PLXNC1: variants seen among roughly 807,000 people sequenced by gnomAD.
The protein encoded by PLXNC1 is plexin C1.
PLXNC1 carries 75 observed loss-of-function variants against 178.2 expected under a neutral mutation model. The observed-to-expected ratio is 0.42, with a 90% CI of 0.35 to 0.51. The LOEUF is 0.51. Among genes scored for constraint, PLXNC1 ranks in the 20% least tolerant of loss-of-function variants. The pLI, the probability that PLXNC1 is intolerant of heterozygous loss-of-function variation, is 0.02. For missense variants in PLXNC1, 1,503 were observed against 1,984.4 expected (o/e 0.76, Z 4.61); for synonymous variants, 790 against 779.9 (o/e 1.01, Z -0.22).
intron 10 of PLXNC1, among the ~76,000 whole-genome samples, chr12:94,239,386 A>T (rs942764934): frequency 6.6e-6 from 1 of 152,248 alleles, no homozygotes; most frequent in African/African-American, 2.4e-5. Context: ...ATGTTCAACC[A>T]CTTTATGATA....
At chr12:94,278,356 G>A (rs1338382625) in intron 21 of PLXNC1, among the ~76,000 whole-genome samples, 9 of 152,322 alleles carry the variant, frequency 5.9e-5, no homozygotes, top group East Asian at 3.9e-4. Context: ...GTGAGGGTAC[G>A]TATCAGGTAA....
chr12:94,258,081 C>T (rs1287715072), intron 17 of PLXNC1, among the ~76,000 whole-genome samples: 2 of 151,416 alleles, frequency 1.3e-5, no homozygotes, highest in African/African-American at 4.9e-5. Flanking sequence ...GAGCCGAGAT[C>T]GCGCCACTGC....
At chr12:94,157,409 G>A (rs997819244) in intron 1 of PLXNC1, among the ~76,000 whole-genome samples, 1 of 152,202 alleles carries the variant, frequency 6.6e-6, no homozygotes, top group Non-Finnish European at 1.5e-5. Flanking sequence ...CCCCAAAGTC[G>A]ACTTGGGAAC....
intron 1 of PLXNC1, 144 bp downstream of exon 1, chr12:94,150,177 C>A: frequency 2.9e-6 from 2 of 690,714 alleles, no homozygotes; most frequent in South Asian, 2.0e-5. Context: ...ACACCGCGGG[C>A]GGCCGTCCGA....
At position 94,149,595 on chromosome 12, in the gene PLXNC1, G is replaced by A; in HGVS notation, c.624G>A (p.Lys208=). The change falls in exon 1 of 31, where the codon AAG becomes AAA. Residue 208 remains lysine, a synonymous_variant. Transcript: ENST00000258526. ...ASDHDTAIAL[K]DTEGRSLATQ... is the part of the protein sequence containing the mutation. ...ACCACGACACGGCCATCGCGCTCAA[G>A]GACACGGAGGGGCGCAGCCTGGCCA... 6.3e-7 allele frequency: 1 copy of A among 1,575,428 alleles called. No individual in the cohort carries two copies. The highest frequency in any genetic ancestry group is 8.6e-7 in the Non-Finnish European group (1 of 1,162,666).
At chr12:94,180,142 C>T (rs536879042) in intron 2 of PLXNC1, among the ~76,000 whole-genome samples, 1 of 152,284 alleles carries the variant, frequency 6.6e-6, no homozygotes, top group South Asian at 2.1e-4. Context: ...CTCTCATCTA[C>T]AGTAAAAGGC....
intron 21 of PLXNC1, chr12:94,277,126 G>A (rs1966022402): frequency 6.6e-6 from 1 of 152,218 alleles, no homozygotes; most frequent in Non-Finnish European, 1.5e-5. Flanking sequence ...TGGAGGATGA[G>A]AAGTCCAAGA....
At chr12:94,182,559 A>T (rs2135961375) in intron 3 of PLXNC1, among the ~76,000 whole-genome samples, 1 of 151,868 alleles carries the variant, frequency 6.6e-6, no homozygotes, top group East Asian at 1.9e-4. Flanking sequence ...CCCCATCTCC[A>T]CTAAAAATAC....
intron 1 of PLXNC1, among the ~76,000 whole-genome samples, chr12:94,159,438 G>A (rs954875669): frequency 1.3e-5 from 2 of 152,192 alleles, no homozygotes; most frequent in African/African-American, 2.4e-5. Context: ...AGATAAGAAA[G>A]GCCGGTTGCA....
chr12:94,181,365 C>T lies in PLXNC1; in HGVS notation c.1204-81C>T, dbSNP rs916465791. 36 of 940,990 alleles carry T rather than the reference C, an allele frequency of 3.8e-5. No homozygotes were observed. The East Asian group carries it at 4.8e-4, about 12-fold the overall frequency. 58.3% of individuals were successfully genotyped at this position (940,990 alleles called of 1,614,324 possible). A position where few individuals can be genotyped will look rare whatever the true frequency, so the allele number is the denominator to read the frequency against. On this transcript the variant is annotated intron_variant, in intron 2 of 30. Coordinates refer to ENST00000258526, the MANE Select transcript of PLXNC1 (RefSeq NM_005761.3). Reference sequence around the variant, plus strand: ...ATCATGCCAATGCATTCCAGCCTGGCGACAGAGCGAGATTCCGTCTCAAAA... The same window carrying T: ...ATCATGCCAATGCATTCCAGCCTGGTGACAGAGCGAGATTCCGTCTCAAAA...
intron 2 of PLXNC1, among the ~76,000 whole-genome samples, chr12:94,175,195 G>C (rs1273181159): frequency 6.6e-6 from 1 of 152,182 alleles, no homozygotes; most frequent in Non-Finnish European, 1.5e-5. Context: ...GTGTGTGTAT[G>C]TGTGGTTTAA....
chr12:94,175,334 AAT>A (rs1962011108), intron 2 of PLXNC1, among the ~76,000 whole-genome samples: 2 of 152,234 alleles, frequency 1.3e-5, no homozygotes, highest in Admixed American at 1.3e-4. Context: ...TTTGGCATAA[AAT>A]ATTATAGCTT....
chr12:94,149,120 C>G lies in PLXNC1; in HGVS notation c.149C>G (p.Ala50Gly). ...TCGGAGCAAGCCATCGGAGCCATCG[C>G]GGCGAGCCAGGAGGACGGCGTGTTT... is the stretch of plus-strand genomic sequence containing the variant. Reference protein sequence around the residue: ...WRSEQAIGAIAASQEDGVFVA... With the variant: ...WRSEQAIGAIGASQEDGVFVA... Residue 50 changes from alanine (A) to glycine (G), a missense_variant, in exon 1 of 31, where the codon GCG becomes GGG. Around this residue, in one of 4 missense-constraint regions of PLXNC1, gnomAD observed 176 missense variants for 180.7 expected, o/e 0.97. Coordinates refer to ENST00000258526, the MANE Select transcript of PLXNC1 (RefSeq NM_005761.3). 1 of 1,587,576 alleles carries G rather than the reference C, an allele frequency of 6.3e-7. No individual in the cohort carries two copies. The highest frequency in any genetic ancestry group is 8.5e-7 in the Non-Finnish European group (1 of 1,172,290).
chr12:94,252,242 C>G (rs920348274), intron 15 of PLXNC1, among the ~76,000 whole-genome samples: 1 of 152,152 alleles, frequency 6.6e-6, no homozygotes, highest in African/African-American at 2.4e-5. Flanking sequence ...TCATTTCAGT[C>G]TTGATTTTCT....
At chr12:94,298,018 G>A (rs1386325934) in intron 26 of PLXNC1, among the ~76,000 whole-genome samples, 3 of 151,800 alleles carry the variant, frequency 2.0e-5, no homozygotes, top group Non-Finnish European at 4.4e-5. Flanking sequence ...TAAATGCTAT[G>A]ATCTACACTT....
chr12:94,297,500 T>G lies in PLXNC1; in HGVS notation c.4074+77T>G. ...ATGTTTGACTTAATTTCCACTGAAG[T>G]GTGAAAATGTTACAAATCCCTTGTG... On this transcript the variant is annotated intron_variant, in intron 26 of 30. Coordinates refer to ENST00000258526, the MANE Select transcript of PLXNC1 (RefSeq NM_005761.3). The G allele has an allele frequency of 9.0e-6, 9 of 999,666 alleles. 1 individual carries two copies. The South Asian group carries it at 1.3e-4, about 14-fold the overall frequency. The allele number at this position is 999,666 out of a possible 1,614,324, so 61.9% of individuals were successfully genotyped here.
At chr12:94,230,302 C>T (rs1214360661) in intron 9 of PLXNC1, among the ~76,000 whole-genome samples, 1 of 152,192 alleles carries the variant, frequency 6.6e-6, no homozygotes, top group Admixed American at 6.5e-5. Flanking sequence ...ATCGCTGAGT[C>T]GTGGTCCAGG....
intron 9 of PLXNC1, among the ~76,000 whole-genome samples, chr12:94,229,776 A>C (rs7307255): frequency 0.43 from 64,831 of 152,074 alleles, 14,426 homozygotes; most frequent in African/African-American, 0.56. Context: ...TATGGCAGTA[A>C]CGCACTGTTT....
chr12:94,282,156 G>A, intron 22 of PLXNC1, 142 bp from the exon 23 acceptor site: 1 of 610,654 alleles, frequency 1.6e-6, no homozygotes, highest in Non-Finnish European at 2.9e-6. Context: ...CAGAATTCAG[G>A]CTACCAGTCT....
Sources: allele counts gnomAD v4.1 joint callset (sites outside exome capture counted in the v4.1 genomes callset), GRCh38; gene constraint gnomAD v4.1.1; regional missense constraint gnomAD v4.1.1; transcripts MANE v1.5; gene names NCBI Gene and HGNC (gene_info 2026-07-23, HGNC 2026-07-21).